Variants in ARHGAP15 observed in about 807,000 individuals in gnomAD.
ARHGAP15 encodes the protein rho GTPase-activating protein 15.
A neutral mutation model predicts 63.7 loss-of-function variants in ARHGAP15; 51 were observed. The ratio of observed to expected loss-of-function variants is 0.80; its 90% CI spans 0.64 to 1.01. The LOEUF is 1.01. ARHGAP15 is among the 50% of genes least tolerant of loss of function. The pLI, the probability that ARHGAP15 is intolerant of heterozygous loss-of-function variation, is 0.00. For missense variants in ARHGAP15, 560 were observed against 564.6 expected, an observed-to-expected ratio of 0.99 and a Z score of 0.08; for synonymous variants, 191 against 193.8, an observed-to-expected ratio of 0.99 and a Z score of 0.12.
Position 143,646,134 on chromosome 2 carries a change from T to C in ARHGAP15, c.1138+21867T>C, listed in dbSNP as rs563086597. 2.0e-5 allele frequency among the ~76,000 whole-genome samples: 3 copies of C among 152,084 alleles called. No homozygotes were observed. The East Asian group carries it at 5.8e-4, about 30-fold the overall frequency. On this transcript the variant is annotated intron_variant, in intron 12 of 13. Coordinates refer to ENST00000295095, the MANE Select transcript of ARHGAP15 (RefSeq NM_018460.4). ...CACAGTCCAGCAGGGGAAACAGACA[T>C]GTGATGAGATATTTACAAGTGCAGC...
At chr2:143,659,302 G>T (rs1248447729) in intron 12 of ARHGAP15, among the ~76,000 whole-genome samples, 1 of 152,140 alleles carries the variant, frequency 6.6e-6, no homozygotes, top group Admixed American at 6.5e-5. Flanking sequence ...GGCATAGGGG[G>T]TGATGGACAT....
At chr2:143,216,835 A>T (rs998226258) in intron 4 of ARHGAP15, among the ~76,000 whole-genome samples, 15 of 152,214 alleles carry the variant, frequency 9.9e-5, no homozygotes, top group African/African-American at 3.4e-4. Context: ...GATTTGAACC[A>T]CTTTTGTAGC....
intron 6 of ARHGAP15, among the ~76,000 whole-genome samples, chr2:143,400,660 C>A (rs1026473417): frequency 6.6e-6 from 1 of 151,814 alleles, no homozygotes; most frequent in Non-Finnish European, 1.5e-5. Context: ...TCAGTAATTA[C>A]CTTTAGGAAA....
rs538108747 is a variant in ARHGAP15, at chr2:143,399,734, C to T, written c.475-35867C>T. ...TAGGCAACCAGAACTCCAACCCAGA[C>T]CATCTGACTCCGGGTCTGCCTAGGG... On this transcript the variant is annotated intron_variant, in intron 6 of 13. Transcript: ENST00000295095. Among the ~76,000 whole-genome samples the T allele has an allele frequency of 1.1e-3, 160 of 152,042 alleles. No individual in the cohort carries two copies. In the Middle Eastern group the frequency reaches 0.017, roughly 16 times the overall value.
chr2:143,325,829 A>G (rs147822899), intron 6 of ARHGAP15, among the ~76,000 whole-genome samples: 1 of 152,300 alleles, frequency 6.6e-6, no homozygotes, highest in East Asian at 1.9e-4. Context: ...TAATGCACTT[A>G]TTCAATGAAA....
At chr2:143,594,673 G>A (rs1697444413) in intron 11 of ARHGAP15, among the ~76,000 whole-genome samples, 1 of 152,114 alleles carries the variant, frequency 6.6e-6, no homozygotes, top group Non-Finnish European at 1.5e-5. Context: ...AGGAAAAATA[G>A]GGGAAAAATT....
chr2:143,605,901 C>T (rs950740673), intron 11 of ARHGAP15, among the ~76,000 whole-genome samples: 4 of 142,348 alleles, frequency 2.8e-5, no homozygotes, highest in African/African-American at 7.7e-5. Flanking sequence ...CCAGGCATAG[C>T]GGCGTTTGCC....
At chr2:143,257,961 C>T (rs9630911) in intron 6 of ARHGAP15, among the ~76,000 whole-genome samples, 67,846 of 151,902 alleles carry the variant, frequency 0.45, 17,040 homozygotes, top group African/African-American at 0.68. Context: ...GTTTCAATAT[C>T]TTTTATTTTT....
intron 12 of ARHGAP15, among the ~76,000 whole-genome samples, chr2:143,660,841 C>T (rs1162384979): frequency 6.6e-6 from 1 of 152,186 alleles, no homozygotes; most frequent in African/African-American, 2.4e-5. Flanking sequence ...CATTGTATCT[C>T]ATCCCACGTT....
intron 6 of ARHGAP15, among the ~76,000 whole-genome samples, chr2:143,266,286 G>T (rs903378034): frequency 1.3e-5 from 2 of 151,956 alleles, no homozygotes. Context: ...CTAAAGTCAA[G>T]CAAAATTAAT....
intron 13 of ARHGAP15, among the ~76,000 whole-genome samples, chr2:143,709,107 A>G (rs1170885737): frequency 1.3e-5 from 2 of 152,190 alleles, no homozygotes; most frequent in African/African-American, 2.4e-5. Flanking sequence ...GTCTTTTTCC[A>G]TATTTTCATT....
chr2:143,396,047 G>C (rs1010413446), intron 6 of ARHGAP15, among the ~76,000 whole-genome samples: 6 of 152,166 alleles, frequency 3.9e-5, no homozygotes, highest in Middle Eastern at 3.4e-3. Flanking sequence ...TGCATTAATC[G>C]ATATTGTGGA....
chr2:143,416,835 A>G (rs960643795), intron 6 of ARHGAP15, among the ~76,000 whole-genome samples: 1 of 65,538 alleles, frequency 1.5e-5, no homozygotes, highest in African/African-American at 6.0e-5. Context: ...CCCCACCCCC[A>G]CGCCCCCACG....
intron 6 of ARHGAP15, among the ~76,000 whole-genome samples, chr2:143,342,742 C>T (rs1432750476): frequency 1.3e-5 from 2 of 152,016 alleles, no homozygotes; most frequent in Admixed American, 1.3e-4. Flanking sequence ...ATAACAGCTT[C>T]ATAGCATGAG....
At chr2:143,492,928 G>A (rs1692648938) in intron 9 of ARHGAP15, among the ~76,000 whole-genome samples, 1 of 151,848 alleles carries the variant, frequency 6.6e-6, no homozygotes, top group Admixed American at 6.6e-5. Context: ...CGTGGTGGCG[G>A]GCACCTGTAG....
In ARHGAP15 at chr2:143,328,640, G is replaced by A. The variant is rs951390536; in HGVS notation, c.474+78040G>A. Among the ~76,000 whole-genome samples the A allele has an allele frequency of 5.9e-5, 9 of 152,252 alleles. No homozygotes were observed. The South Asian group carries it at 1.2e-3, about 21-fold the overall frequency. On this transcript the variant is annotated intron_variant, in intron 6 of 13. Transcript: ENST00000295095. ...AGGAGAAATACCTAATGTATGTGAC[G>A]AGTTGATGGGTGCAGCAAACCACCA...
intron 13 of ARHGAP15, among the ~76,000 whole-genome samples, chr2:143,720,440 C>T (rs1342596986): frequency 1.3e-5 from 2 of 152,288 alleles, no homozygotes; most frequent in Non-Finnish European, 2.9e-5. Context: ...CAGCGAAAGG[C>T]CTCACCTCTC....
chr2:143,610,952 C>T (rs1040813889), intron 11 of ARHGAP15, among the ~76,000 whole-genome samples: 1 of 152,116 alleles, frequency 6.6e-6, no homozygotes, highest in African/African-American at 2.4e-5. Context: ...TGGTCTCGAA[C>T]TCCTCACCTC....
At chr2:143,481,286 C>T (rs1692069900) in intron 8 of ARHGAP15, among the ~76,000 whole-genome samples, 2 of 151,906 alleles carry the variant, frequency 1.3e-5, no homozygotes, top group African/African-American at 2.4e-5. Context: ...CAAACCTCAC[C>T]GATAAAGTGA....
Sources: allele counts gnomAD v4.1 joint callset (sites outside exome capture counted in the v4.1 genomes callset), GRCh38; gene constraint gnomAD v4.1.1; transcripts MANE v1.5; gene names NCBI Gene and HGNC (gene_info 2026-07-23, HGNC 2026-07-21).